TBX19: variants seen among roughly 807,000 people sequenced by gnomAD.
TBX19 encodes the protein T-box transcription factor 19.
TBX19 carries 33 observed loss-of-function variants against 40.9 expected under a neutral mutation model. The ratio of observed to expected loss-of-function variants is 0.81; its 90% CI spans 0.61 to 1.08. The LOEUF (loss-of-function observed/expected upper bound fraction) is 1.08. TBX19 is among the 50% of genes least tolerant of loss of function. The pLI is 0.00. For synonymous variants in TBX19, 220 were observed against 225.0 expected (o/e 0.98, Z 0.20); for missense variants, 494 against 574.0 (o/e 0.86, Z 1.42).
chr1:168,300,547 A>G, intron 5 of TBX19, 64 bp downstream of exon 5: 3 of 1,469,702 alleles, frequency 2.0e-6, no homozygotes, highest in Non-Finnish European at 2.9e-6. Flanking sequence ...CTCCTTCCAC[A>G]CTCAGACTCT....
intron 1 of TBX19, among the ~76,000 whole-genome samples, chr1:168,286,897 T>G (rs1353653453): frequency 6.6e-6 from 1 of 152,250 alleles, no homozygotes; most frequent in African/African-American, 2.4e-5. Context: ...CTTTTTATTG[T>G]CTGCTTTTCA....
rs1649457034 is a variant in TBX19, at chr1:168,308,543, T to G, written c.917-199T>G. ...AGTCACTGGTGTGAAGATTAAACTA[T>G]GAATGACACCTGGCATATGGTTGAC... is the stretch of plus-strand genomic sequence containing the variant. On this transcript the variant is annotated intron_variant, in intron 6 of 7. Coordinates refer to ENST00000367821, the MANE Select transcript of TBX19 (RefSeq NM_005149.3). 1.1e-5 allele frequency: 7 copies of G among 633,844 alleles called. No homozygotes were observed. In the Admixed American group the frequency reaches 1.5e-4, roughly 14 times the overall value. The allele number at this position is 633,844 out of a possible 1,614,324, so 39.3% of individuals were successfully genotyped here.
chr1:168,300,282 G>A (rs1649244017), intron 4 of TBX19, 140 bp from the exon 5 acceptor site: 3 of 795,008 alleles, frequency 3.8e-6, no homozygotes, highest in African/African-American at 3.4e-5. Flanking sequence ...GAATGGGGAA[G>A]GACAGGAGCT....
chr1:168,297,839 A>G (rs1649151637), intron 4 of TBX19, 54 bp downstream of exon 4: 1 of 1,431,224 alleles, frequency 7.0e-7, no homozygotes, highest in Non-Finnish European at 9.8e-7. Flanking sequence ...TGCAAATACA[A>G]ATGTGGAATT....
chr1:168,298,822 C>CCCTCCCTTCCTTTCCTTCCTT lies in TBX19; in HGVS notation c.665+1038_665+1039insCTCCCTTCCTTTCCTTCCTTC. ...CCTCCCCTCCCTCCCTCCCTCCCTT[C>CCCTCCCTTCCTTTCCTTCCTT]CTTTCTTTCTTTCTTTCTTTCTTTC... On this transcript the variant is annotated intron_variant, in intron 4 of 7. Transcript: ENST00000367821. 2.0e-4 allele frequency among the ~76,000 whole-genome samples: 2 copies of CCCTCCCTTCCTTTCCTTCCTT among 9,788 alleles called. 1 individual carries two copies. Among genetic ancestry groups the CCCTCCCTTCCTTTCCTTCCTT allele is most frequent in the Non-Finnish European group, 3.7e-4 (2 of 5,426 alleles). The allele number at this position is 9,788 out of a possible 152,430, so 6.4% of individuals were successfully genotyped here.
chr1:168,287,564 G>A (rs990814471), intron 1 of TBX19, among the ~76,000 whole-genome samples: 15 of 152,110 alleles, frequency 9.9e-5, no homozygotes, highest in Admixed American at 7.2e-4. Context: ...CTCTCAAAGT[G>A]CTGGGATTAT....
chr1:168,291,782 G>A (rs553561496), intron 2 of TBX19, among the ~76,000 whole-genome samples: 1 of 152,038 alleles, frequency 6.6e-6, no homozygotes, highest in Non-Finnish European at 1.5e-5. Context: ...AGTATAAGTG[G>A]CATGCTGGCA....
chr1:168,304,388 G>A (rs1329041515), intron 5 of TBX19, among the ~76,000 whole-genome samples: 1 of 152,154 alleles, frequency 6.6e-6, no homozygotes, highest in Non-Finnish European at 1.5e-5. Context: ...CCACAGGTGG[G>A]GTTGGTGGGT....
intron 1 of TBX19, among the ~76,000 whole-genome samples, chr1:168,287,222 C>T (rs1379852846): frequency 6.6e-6 from 1 of 152,148 alleles, no homozygotes; most frequent in East Asian, 1.9e-4. Flanking sequence ...CCACTTTGGT[C>T]TTCTCTTTTA....
chr1:168,291,352 G>C lies in TBX19; in HGVS notation c.396G>C (p.Gly132=). ...TTCACCCGGACTCCCCCAACTTTGG[G>C]GCCCACTGGATGAAAGCTCCCATCT... ...VYIHPDSPNF[G]AHWMKAPISF... is the part of the protein sequence containing the mutation. The change falls in exon 2 of 8, where the codon GGG becomes GGC. Residue 132 remains glycine, a synonymous_variant. Transcript: ENST00000367821. The C allele has an allele frequency of 6.2e-7, 1 of 1,614,166 alleles. No homozygotes were observed. Among genetic ancestry groups the C allele is most frequent in the Non-Finnish European group, 8.5e-7 (1 of 1,180,028 alleles).
At chr1:168,294,408 A>G (rs1184860266) in intron 3 of TBX19, among the ~76,000 whole-genome samples, 2 of 151,538 alleles carry the variant, frequency 1.3e-5, no homozygotes, top group Non-Finnish European at 2.9e-5. Context: ...ATCTCAGCTC[A>G]CTGCAACCTC....
At chr1:168,286,379 C>A (rs777387991) in intron 1 of TBX19, among the ~76,000 whole-genome samples, 1 of 152,194 alleles carries the variant, frequency 6.6e-6, no homozygotes, top group Non-Finnish European at 1.5e-5. Flanking sequence ...GGAAGCCCTG[C>A]GCCCTTAGCA....
At chr1:168,296,177 A>G (rs1243313520) in intron 3 of TBX19, among the ~76,000 whole-genome samples, 1 of 152,102 alleles carries the variant, frequency 6.6e-6, no homozygotes, top group Non-Finnish European at 1.5e-5. Context: ...AGCTTCTTGT[A>G]TGCTTTTCTA....
intron 4 of TBX19, among the ~76,000 whole-genome samples, chr1:168,299,954 C>G (rs1649232967): frequency 6.6e-6 from 1 of 152,166 alleles, no homozygotes. Flanking sequence ...AATCCTTGCT[C>G]TGTAATTTAC....
rs570317643 is a variant in TBX19 at position 168,307,466 on chromosome 1, T to G, written c.917-1276T>G. On this transcript the variant is annotated intron_variant, in intron 6 of 7. Coordinates refer to ENST00000367821, the MANE Select transcript of TBX19 (RefSeq NM_005149.3). ...CATTCCTGCAATACTGACATTAGCC[T>G]ATTCCTGAGGGTAGAGCCCCCATGG... Among the ~76,000 whole-genome samples the G allele has an allele frequency of 1.1e-3, 167 of 152,248 alleles. 1 individual carries two copies. Among genetic ancestry groups the G allele is most frequent in the Middle Eastern group, 6.8e-3 (2 of 294 alleles).
In TBX19 at chr1:168,313,901, G is replaced by C. The variant is rs927184829; in HGVS notation, c.*899G>C. 1.3e-5 allele frequency: 2 copies of C among 149,692 alleles called. No individual in the cohort carries two copies. The highest frequency in any genetic ancestry group is 5.0e-5 in the African/African-American group (2 of 40,240). 9.3% of individuals were successfully genotyped at this position (149,692 alleles called of 1,614,324 possible). On this transcript the variant is annotated 3_prime_UTR_variant, in exon 8 of 8. Transcript: ENST00000367821. ...ACTCCAGCCTGGGTGGTAGATCAAG[G>C]CTTTGTTTCATTTGAAAAAAAAGAA... is the stretch of plus-strand genomic sequence containing the variant.
chr1:168,298,290 C>G (rs1296144588), intron 4 of TBX19, among the ~76,000 whole-genome samples: 1 of 152,140 alleles, frequency 6.6e-6, no homozygotes, highest in Non-Finnish European at 1.5e-5. Context: ...TAATAGGGAT[C>G]CGGGAGAACT....
chr1:168,297,653 G>A (rs1180421075), intron 3 of TBX19, 71 bp from the exon 4 acceptor site: 3 of 1,401,580 alleles, frequency 2.1e-6, no homozygotes, highest in Non-Finnish European at 3.0e-6. Context: ...TGGTTTTACA[G>A]AAGACAAAGG....
chr1:168,302,949 A>G (rs75380726), intron 5 of TBX19, among the ~76,000 whole-genome samples: 7,749 of 152,238 alleles, frequency 0.051, 250 homozygotes, highest in East Asian at 0.12. Flanking sequence ...AATGCCTCCT[A>G]GACTGCCTTT....
Sources: gnomAD v4.1 joint callset for allele counts (sites outside exome capture counted in the v4.1 genomes callset) on GRCh38, gnomAD v4.1.1 for gene constraint, MANE v1.5 for transcripts, NCBI Gene and HGNC (gene_info 2026-07-23, HGNC 2026-07-21) for gene names.